Variants in ZNF609 observed in about 807,000 individuals in gnomAD.
ZNF609 encodes the protein zinc finger protein 609.
ZNF609 carries 11 observed loss-of-function variants against 109.5 expected under a neutral mutation model. That is an observed-to-expected ratio of 0.10 (90% CI 0.06 to 0.17). ZNF609 has a LOEUF of 0.17. Ranked by LOEUF, ZNF609 falls within the 10% of genes least tolerant of loss-of-function variation. The probability of loss-of-function intolerance (pLI) is 1.00; values close to 1 mark genes in which losing one functional copy is unlikely to be tolerated. For synonymous variants in ZNF609, 646 were observed against 662.0 expected, an observed-to-expected ratio of 0.98 and a Z score of 0.37; for missense variants, 1,559 against 1,772.4, an observed-to-expected ratio of 0.88 and a Z score of 2.16.
At chr15:64,654,878 C>T (rs1176550277) in intron 3 of ZNF609, among the ~76,000 whole-genome samples, 1 of 151,870 alleles carries the variant, frequency 6.6e-6, no homozygotes, top group Non-Finnish European at 1.5e-5. Context: ...AGGTGGATCA[C>T]GAGGTCAGGA....
intron 2 of ZNF609, among the ~76,000 whole-genome samples, chr15:64,611,630 A>G (rs536402217): frequency 2.6e-5 from 4 of 152,310 alleles, no homozygotes; most frequent in Admixed American, 2.6e-4. Context: ...CAGACTGTAG[A>G]CTGCAAGTCT....
chr15:64,620,239 G>T (rs1895857055), intron 2 of ZNF609, among the ~76,000 whole-genome samples: 1 of 152,194 alleles, frequency 6.6e-6, no homozygotes, highest in South Asian at 2.1e-4. Context: ...CTAAGCAAAA[G>T]AAGTACACAT....
At chr15:64,564,397 A>G (rs1289262269) in intron 2 of ZNF609, among the ~76,000 whole-genome samples, 1 of 152,080 alleles carries the variant, frequency 6.6e-6, no homozygotes, top group African/African-American at 2.4e-5. Context: ...GTACAAGATA[A>G]TCATAAGATG....
chr15:64,598,178 G>A (rs538826297), intron 2 of ZNF609, among the ~76,000 whole-genome samples: 5 of 152,136 alleles, frequency 3.3e-5, no homozygotes, highest in Admixed American at 2.6e-4. Context: ...GCAGTGGCAC[G>A]GTCTCAGCTC....
At chr15:64,475,234 A>T (rs2140332976) in intron 1 of ZNF609, among the ~76,000 whole-genome samples, 1 of 150,504 alleles carries the variant, frequency 6.6e-6, no homozygotes, top group South Asian at 2.1e-4. Context: ...TTAACTCCCA[A>T]ATCTAACCAT....
At chr15:64,524,012 GT>G (rs891569884) in intron 2 of ZNF609, among the ~76,000 whole-genome samples, 101 of 138,252 alleles carry the variant, frequency 7.3e-4, no homozygotes, top group East Asian at 1.2e-3. Flanking sequence ...GGTTATACGG[GT>G]TTTTTTTTTT....
intron 2 of ZNF609, among the ~76,000 whole-genome samples, chr15:64,571,678 TTCAG>T (rs1894861794): frequency 6.6e-6 from 1 of 152,222 alleles, no homozygotes; most frequent in Admixed American, 6.5e-5. Flanking sequence ...AGTCTTTTTT[TTCAG>T]TCAGTCTCAC....
intron 3 of ZNF609, among the ~76,000 whole-genome samples, chr15:64,653,462 C>T (rs558881951): frequency 7.2e-4 from 109 of 152,152 alleles, no homozygotes; most frequent in Non-Finnish European, 1.3e-3. Flanking sequence ...CTGGGCAACA[C>T]GGTGAAACCC....
chr15:64,500,001 G>T lies in ZNF609; in HGVS notation c.582G>T (p.Arg194=). The change falls in exon 2 of 10, where the codon CGG becomes CGT. Residue 194 remains arginine (R), a synonymous_variant. Transcript: ENST00000326648. ...TCCAGCCAGTTCCCTTGGGAGGACG[G>T]GGTGGTCAGTATGATGGAAGTGCAG... ...GVLQPVPLGG[R]GGQYDGSAGV... is the part of the protein sequence containing the mutation. 1.2e-6 allele frequency: 2 copies of T among 1,614,170 alleles called. No homozygotes were observed. The highest frequency in any genetic ancestry group is 1.7e-6 in the Non-Finnish European group (2 of 1,180,048).
chr15:64,680,569 G>A (rs1437505644), intron 7 of ZNF609, 77 bp from the exon 8 acceptor site: 3 of 1,294,002 alleles, frequency 2.3e-6, no homozygotes, highest in Non-Finnish European at 2.2e-6. Flanking sequence ...ACTTGTGTGT[G>A]TGTGTGTGTG....
At chr15:64,479,593 T>TGATCTTAAGATC (rs1893222577) in intron 1 of ZNF609, among the ~76,000 whole-genome samples, 1 of 151,786 alleles carries the variant, frequency 6.6e-6, no homozygotes, top group Non-Finnish European at 1.5e-5. Context: ...GCCTGGCCCG[T>TGATCTTAAGATC]ACCTGTGTGA....
intron 1 of ZNF609, among the ~76,000 whole-genome samples, chr15:64,485,642 T>A (rs1157894074): frequency 2.1e-5 from 3 of 140,434 alleles, no homozygotes; most frequent in African/African-American, 5.1e-5. Flanking sequence ...GTCTACAAAA[T>A]TTTTTTTTTT....
At chr15:64,661,424 G>A (rs534372602) in intron 3 of ZNF609, among the ~76,000 whole-genome samples, 2 of 152,158 alleles carry the variant, frequency 1.3e-5, no homozygotes, top group Non-Finnish European at 2.9e-5. Flanking sequence ...TGGAATAATA[G>A]AATGAATGAA....
chr15:64,679,898 A>G (rs1567046876), intron 6 of ZNF609, among the ~76,000 whole-genome samples: 1 of 152,190 alleles, frequency 6.6e-6, no homozygotes, highest in Non-Finnish European at 1.5e-5. Context: ...TTTCCACTTT[A>G]TCATATCACT....
At chr15:64,497,794 G>A (rs530313894) in intron 1 of ZNF609, among the ~76,000 whole-genome samples, 1 of 151,668 alleles carries the variant, frequency 6.6e-6, no homozygotes, top group East Asian at 2.0e-4. Context: ...CCAACCTCTT[G>A]GGAGGCTGAG....
intron 1 of ZNF609, among the ~76,000 whole-genome samples, chr15:64,489,387 G>A (rs1052653850): frequency 6.7e-6 from 1 of 150,162 alleles, no homozygotes; most frequent in Non-Finnish European, 1.5e-5. Flanking sequence ...TTACCATCTT[G>A]GCCAGGCTGG....
chr15:64,620,338 A>T (rs1183054567), intron 2 of ZNF609, among the ~76,000 whole-genome samples: 1 of 152,212 alleles, frequency 6.6e-6, no homozygotes, highest in Non-Finnish European at 1.5e-5. Context: ...GATGATCTGT[A>T]TATTCTGTCT....
Position 64,560,547 on chromosome 15 carries a change from G to A in ZNF609, c.747+60381G>A, listed in dbSNP as rs186732014. 4.2e-3 allele frequency among the ~76,000 whole-genome samples: 643 copies of A among 152,172 alleles called. 2 individuals are homozygous for A. Among genetic ancestry groups the A allele is most frequent in the Non-Finnish European group, 5.7e-3 (386 of 68,016 alleles). ...GATGCTAAGAGAAAACTTGGGGACCGCTCTTCCCAACAAGATTGTCTCAAA... is the reference window on the plus strand; with the variant it reads ...GATGCTAAGAGAAAACTTGGGGACCACTCTTCCCAACAAGATTGTCTCAAA... On this transcript the variant is annotated intron_variant, in intron 2 of 9. Transcript: ENST00000326648.
intron 1 of ZNF609, among the ~76,000 whole-genome samples, chr15:64,482,531 T>A (rs1470806806): frequency 6.6e-6 from 1 of 152,168 alleles, no homozygotes; most frequent in East Asian, 1.9e-4. Flanking sequence ...GCATGGTTAC[T>A]ATACTAAGGA....
Sources: gnomAD v4.1 joint callset for allele counts (sites outside exome capture counted in the v4.1 genomes callset) on GRCh38, gnomAD v4.1.1 for gene constraint, MANE v1.5 for transcripts, NCBI Gene and HGNC (gene_info 2026-07-23, HGNC 2026-07-21) for gene names.